NALCN: variants seen among roughly 807,000 people sequenced by gnomAD.
The protein encoded by NALCN is sodium leak channel, non-selective.
Under a neutral mutation model 225.3 loss-of-function variants are expected in NALCN, and 111 were observed. The ratio of observed to expected loss-of-function variants is 0.49; its 90% CI spans 0.42 to 0.58. The LOEUF (loss-of-function observed/expected upper bound fraction) is 0.58. Among genes scored for constraint, NALCN ranks in the 20% least tolerant of loss-of-function variants. The pLI is 0.00. For synonymous variants in NALCN, 764 were observed against 769.0 expected, an observed-to-expected ratio of 0.99 and a Z score of 0.11; for missense variants, 1,378 against 2,202.4, an observed-to-expected ratio of 0.63 and a Z score of 7.49.
chr13:101,320,933 A>T (rs517177), intron 7 of NALCN, among the ~76,000 whole-genome samples: 61,991 of 151,984 alleles, frequency 0.41, 12,996 homozygotes, highest in Middle Eastern at 0.47. Flanking sequence ...GTTAGAAGAA[A>T]GGGCAATGAG....
intron 6 of NALCN, among the ~76,000 whole-genome samples, chr13:101,361,691 T>C (rs941664829): frequency 9.9e-5 from 15 of 152,190 alleles, no homozygotes; most frequent in Non-Finnish European, 4.4e-5. Flanking sequence ...AAATGGAACA[T>C]AACTTATCGG....
chr13:101,098,076 C>T lies in NALCN; in HGVS notation c.3163-2396G>A, dbSNP rs551922199. Among the ~76,000 whole-genome samples the T allele has an allele frequency of 1.1e-3, 166 of 152,142 alleles. 1 individual carries two copies. Among genetic ancestry groups the T allele is most frequent in the Non-Finnish European group, 1.3e-3 (91 of 68,014 alleles). On this transcript the variant is annotated intron_variant, in intron 27 of 43. Coordinates refer to ENST00000251127, the MANE Select transcript of NALCN (RefSeq NM_052867.4). ...TCCTTCCTCCTTGTTCGGTCCCTGC[C>T]TCTACACTGTGACCCTTCTTTGTAT... is the stretch of plus-strand genomic sequence containing the variant.
intron 6 of NALCN, among the ~76,000 whole-genome samples, chr13:101,351,646 C>T (rs953676788): frequency 2.0e-5 from 3 of 152,138 alleles, no homozygotes; most frequent in East Asian, 1.9e-4. Context: ...TCACTTGAAA[C>T]ATTTGAGCTT....
At chr13:101,149,738 G>A (rs951530659) in intron 15 of NALCN, among the ~76,000 whole-genome samples, 1 of 152,182 alleles carries the variant, frequency 6.6e-6, no homozygotes, top group South Asian at 2.1e-4. Context: ...CTGCTTGAAG[G>A]GTGAGTATTT....
chr13:101,258,416 C>A (rs994462863), intron 11 of NALCN, 27 bp downstream of exon 11: 3 of 1,612,932 alleles, frequency 1.9e-6, no homozygotes, highest in Non-Finnish European at 2.5e-6. Flanking sequence ...CCTTGCCCAG[C>A]GATCTGCACG....
In NALCN at chr13:101,249,572, A is replaced by C. The variant is rs554893613; in HGVS notation, c.1266+8871T>G. On this transcript the variant is annotated intron_variant, in intron 11 of 43. Transcript: ENST00000251127. ...TATTAAAAGTAATGCTATAAAATCA[A>C]GTGTTTCAGGAATCTAAAATAGTTT... Among the ~76,000 whole-genome samples, 21 of 152,334 alleles carry C rather than the reference A, an allele frequency of 1.4e-4. 1 individual carries two copies. The South Asian group carries it at 4.1e-3, about 30-fold the overall frequency.
intron 6 of NALCN, among the ~76,000 whole-genome samples, chr13:101,360,189 C>CTCTCTCT (rs2046204054): frequency 3.4e-5 from 3 of 89,240 alleles, no homozygotes; most frequent in Non-Finnish European, 6.9e-5. Context: ...TTCCTCTCTT[C>CTCTCTCT]CTCTCTCTCT....
intron 7 of NALCN, among the ~76,000 whole-genome samples, chr13:101,325,913 A>C (rs2044934938): frequency 6.6e-6 from 1 of 152,226 alleles, no homozygotes; most frequent in Non-Finnish European, 1.5e-5. Context: ...TAACAGAAGA[A>C]AACAGTTTAG....
At chr13:101,144,623 A>G in intron 16 of NALCN, 137 bp downstream of exon 16, 1 of 706,688 alleles carries the variant, frequency 1.4e-6, no homozygotes, top group Non-Finnish European at 2.2e-6. Context: ...AAATAGAGGT[A>G]GAGGTAGTAG....
intron 7 of NALCN, among the ~76,000 whole-genome samples, chr13:101,299,814 T>TA (rs1279544022): frequency 6.6e-6 from 1 of 152,162 alleles, no homozygotes; most frequent in Non-Finnish European, 1.5e-5. Flanking sequence ...TACCATCTGT[T>TA]ATGCAGATTT....
chr13:101,317,544 C>T (rs1183509975), intron 7 of NALCN, among the ~76,000 whole-genome samples: 1 of 152,198 alleles, frequency 6.6e-6, no homozygotes, highest in Non-Finnish European at 1.5e-5. Flanking sequence ...TATTGTACTG[C>T]TCAGGATGGC....
At chr13:101,334,436 G>C (rs7995620) in intron 7 of NALCN, among the ~76,000 whole-genome samples, 21,324 of 144,676 alleles carry the variant, frequency 0.15, 1,647 homozygotes, top group East Asian at 0.39. Flanking sequence ...AGAATGGAGA[G>C]AGGCATTCCA....
chr13:101,237,849 C>G lies in NALCN; in HGVS notation c.1340G>C (p.Ser447Thr). 1 of 1,604,564 alleles carries G rather than the reference C, an allele frequency of 6.2e-7. No individual in the cohort carries two copies. The highest frequency in any genetic ancestry group is 8.5e-7 in the Non-Finnish European group (1 of 1,175,852). ...TAGTTCGAATTTGTGGAGAGATGAG[C>G]TAATATATCCAGTAAATCCCAAACA... is the stretch of plus-strand genomic sequence containing the variant. ...IWCLGFTGYI[S>T]SSLHKFELLL... The change falls in exon 12 of 44, where the codon AGC becomes ACC. Residue 447 changes from serine (S) to threonine (T), a missense_variant. Around this residue, in one of 19 missense-constraint regions of NALCN, gnomAD observed 144 missense variants for 187.7 expected, o/e 0.77. Coordinates refer to ENST00000251127, the MANE Select transcript of NALCN (RefSeq NM_052867.4).
At chr13:101,132,834 T>C (rs1444701492) in intron 17 of NALCN, among the ~76,000 whole-genome samples, 1 of 152,148 alleles carries the variant, frequency 6.6e-6, no homozygotes. Flanking sequence ...TATTATCTGC[T>C]TGACTTGAAA....
intron 40 of NALCN, among the ~76,000 whole-genome samples, chr13:101,063,679 A>G (rs539736514): frequency 1.3e-4 from 19 of 151,840 alleles, no homozygotes; most frequent in African/African-American, 4.3e-4. Flanking sequence ...GGTGAAATTG[A>G]TAACTTGAGA....
intron 10 of NALCN, among the ~76,000 whole-genome samples, chr13:101,263,269 C>T (rs1289458756): frequency 6.6e-6 from 1 of 152,204 alleles, no homozygotes; most frequent in East Asian, 1.9e-4. Flanking sequence ...TTTATATGCA[C>T]ATCAATTTAC....
intron 15 of NALCN, among the ~76,000 whole-genome samples, chr13:101,158,418 C>T (rs1272253360): frequency 1.3e-5 from 2 of 152,216 alleles, no homozygotes; most frequent in Non-Finnish European, 2.9e-5. Flanking sequence ...CTGTCATGGG[C>T]ACCGCTGAGC....
At chr13:101,324,210 C>G (rs1293037110) in intron 7 of NALCN, among the ~76,000 whole-genome samples, 2 of 152,176 alleles carry the variant, frequency 1.3e-5, no homozygotes, top group African/African-American at 4.8e-5. Context: ...CACGTCTCAA[C>G]TGGCTTGTAG....
intron 17 of NALCN, among the ~76,000 whole-genome samples, chr13:101,132,258 C>T (rs1303149441): frequency 1.3e-5 from 2 of 151,802 alleles, no homozygotes; most frequent in Non-Finnish European, 2.9e-5. Context: ...TTCTTCTGTG[C>T]TTATTTGAAA....
Sources: gnomAD v4.1 joint callset for allele counts (sites outside exome capture counted in the v4.1 genomes callset) on GRCh38, gnomAD v4.1.1 for gene constraint, gnomAD v4.1.1 regional missense constraint, MANE v1.5 for transcripts, NCBI Gene and HGNC (gene_info 2026-07-23, HGNC 2026-07-21) for gene names.